The following ARHGAP15 variants were observed in gnomAD, a reference collection of about 807,000 sequenced individuals.
ARHGAP15 encodes Rho GTPase activating protein 15, also known as rho GTPase-activating protein 15.
Under a neutral mutation model 63.7 loss-of-function variants are expected in ARHGAP15, and 51 were observed. The observed-to-expected ratio is 0.80, with a 90% CI of 0.64 to 1.01. The LOEUF (loss-of-function observed/expected upper bound fraction) is 1.01. Ranked by LOEUF, ARHGAP15 falls within the 50% of genes least tolerant of loss-of-function variation. The probability of loss-of-function intolerance (pLI) is 0.00; values close to 1 mark genes in which losing one functional copy is unlikely to be tolerated. For missense variants in ARHGAP15, 560 were observed against 564.6 expected (o/e 0.99, Z 0.08); for synonymous variants, 191 against 193.8 (o/e 0.99, Z 0.12).
intron 8 of ARHGAP15, among the ~76,000 whole-genome samples, chr2:143,452,615 G>A (rs186369042): frequency 3.3e-5 from 5 of 151,390 alleles, no homozygotes; most frequent in Admixed American, 6.6e-5. Flanking sequence ...GTGTGCTGAG[G>A]TGCACCCTTG....
Position 143,703,544 on chromosome 2 carries a change from G to T in ARHGAP15, c.1244+20G>T. On this transcript the variant is annotated intron_variant, in intron 13 of 13. Transcript: ENST00000295095. The stretch of plus-strand genomic sequence containing the variant: ...AACTAAGTAAGTTGTAAGGATTTCT[G>T]GATGTGTCATTTTATAGTCATTTCC... 6.4e-7 allele frequency: 1 copy of T among 1,562,270 alleles called. No individual in the cohort carries two copies. Among genetic ancestry groups the T allele is most frequent in the Non-Finnish European group, 8.7e-7 (1 of 1,146,742 alleles).
In ARHGAP15 at chr2:143,487,385, A is replaced by G; in HGVS notation, c.716A>G (p.His239Arg). 6.2e-7 allele frequency: 1 copy of G among 1,613,436 alleles called. No homozygotes were observed. The highest frequency in any genetic ancestry group is 8.5e-7 in the Non-Finnish European group (1 of 1,179,784). The change falls in exon 9 of 14, where the codon CAT becomes CGT. Residue 239 changes from histidine to arginine, a missense_variant. His to Arg is a conservative substitution (Grantham distance 29). Transcript: ENST00000295095. The stretch of plus-strand genomic sequence containing the variant: ...TTTAAATCTTCAGTGTTCAGACTGC[A>G]TCACAGTGCTTCCGATACAAGCGAC... The part of the protein sequence containing the change: ...EHRKSLMFRL[H>R]HSASDTSDKN...
intron 2 of ARHGAP15, among the ~76,000 whole-genome samples, chr2:143,165,753 T>A (rs932985574): frequency 6.6e-6 from 1 of 152,030 alleles, no homozygotes; most frequent in Non-Finnish European, 1.5e-5. Context: ...TGATAATACA[T>A]CACACACTGT....
intron 12 of ARHGAP15, among the ~76,000 whole-genome samples, chr2:143,626,041 A>G (rs187475053): frequency 6.6e-6 from 1 of 152,258 alleles, no homozygotes; most frequent in Non-Finnish European, 1.5e-5. Context: ...TCTAAGGAGT[A>G]GGATCATCTC....
At chr2:143,201,212 G>T (rs1020970641) in intron 2 of ARHGAP15, among the ~76,000 whole-genome samples, 4 of 151,530 alleles carry the variant, frequency 2.6e-5, no homozygotes, top group Non-Finnish European at 5.9e-5. Flanking sequence ...TGGCTCAAGT[G>T]ATTCTCCCAC....
chr2:143,551,706 T>C (rs1181477314), intron 10 of ARHGAP15, among the ~76,000 whole-genome samples: 1 of 152,160 alleles, frequency 6.6e-6, no homozygotes, highest in African/African-American at 2.4e-5. Flanking sequence ...AGGGAATCAT[T>C]CTTAGGAAAT....
chr2:143,409,192 T>C (rs996128806), intron 6 of ARHGAP15, among the ~76,000 whole-genome samples: 3 of 152,016 alleles, frequency 2.0e-5, no homozygotes, highest in African/African-American at 7.2e-5. Flanking sequence ...TAAAGCATGT[T>C]CTTTGAAGAT....
chr2:143,475,318 C>T (rs1691760859), intron 8 of ARHGAP15, among the ~76,000 whole-genome samples: 2 of 152,332 alleles, frequency 1.3e-5, no homozygotes, highest in East Asian at 1.9e-4. Flanking sequence ...TAGCCGTAGA[C>T]GACATACTGT....
intron 6 of ARHGAP15, among the ~76,000 whole-genome samples, chr2:143,421,796 A>G (rs1248163934): frequency 9.4e-4 from 9 of 9,528 alleles, no homozygotes; most frequent in African/African-American, 3.8e-3. Context: ...ATATATATAT[A>G]TATATGTGTG....
At chr2:143,643,427 ACC>A (rs10540732) in intron 12 of ARHGAP15, among the ~76,000 whole-genome samples, 61,728 of 128,706 alleles carry the variant, frequency 0.48, 13,650 homozygotes, top group Non-Finnish European at 0.52. Context: ...CCCTCCACCC[ACC>A]CCCCCCCACC....
chr2:143,282,655 C>T (rs1209214808), intron 6 of ARHGAP15, among the ~76,000 whole-genome samples: 1 of 152,070 alleles, frequency 6.6e-6, no homozygotes, highest in Non-Finnish European at 1.5e-5. Flanking sequence ...CACAGCCAAA[C>T]CATATCAGGT....
Position 143,278,879 on chromosome 2 carries a change from T to C in ARHGAP15, c.474+28279T>C, listed in dbSNP as rs920938138. On this transcript the variant is annotated intron_variant, in intron 6 of 13. Coordinates refer to ENST00000295095, the MANE Select transcript of ARHGAP15 (RefSeq NM_018460.4). Reference sequence around the variant, plus strand: ...GAGTTTCTTTCTTTCTTTTTTTTTTTTTTTGGCCAGGCTACATGTAAGATG... The same window carrying C: ...GAGTTTCTTTCTTTCTTTTTTTTTTCTTTTGGCCAGGCTACATGTAAGATG... 1.5e-3 allele frequency among the ~76,000 whole-genome samples: 230 copies of C among 151,324 alleles called. 1 individual carries two copies. The highest frequency in any genetic ancestry group is 4.6e-3 in the African/African-American group (192 of 41,350).
At chr2:143,376,009 G>C (rs956194288) in intron 6 of ARHGAP15, among the ~76,000 whole-genome samples, 2 of 152,146 alleles carry the variant, frequency 1.3e-5, no homozygotes, top group African/African-American at 4.8e-5. Context: ...AAATACACAC[G>C]CATGTGGCAT....
At chr2:143,763,443 G>T (rs1686833092) in intron 13 of ARHGAP15, among the ~76,000 whole-genome samples, 1 of 151,960 alleles carries the variant, frequency 6.6e-6, no homozygotes, top group Non-Finnish European at 1.5e-5. Flanking sequence ...TTTAATATGA[G>T]AATGTATTAG....
At chr2:143,694,265 G>A (rs1683744068) in intron 12 of ARHGAP15, among the ~76,000 whole-genome samples, 1 of 152,110 alleles carries the variant, frequency 6.6e-6, no homozygotes, top group Admixed American at 6.6e-5. Context: ...TGGGGGAAAT[G>A]GTGAAATGTG....
chr2:143,218,116 T>C (rs1033455109), intron 4 of ARHGAP15, among the ~76,000 whole-genome samples: 2 of 152,188 alleles, frequency 1.3e-5, no homozygotes, highest in African/African-American at 4.8e-5. Flanking sequence ...TCAATTTGTA[T>C]ACTATTGTGT....
At chr2:143,192,817 T>C (rs1248055636) in intron 2 of ARHGAP15, among the ~76,000 whole-genome samples, 2 of 152,234 alleles carry the variant, frequency 1.3e-5, no homozygotes, top group African/African-American at 4.8e-5. Context: ...TGTGCCTTTT[T>C]AATGCAAGGC....
chr2:143,619,406 T>A (rs979401549), intron 11 of ARHGAP15, among the ~76,000 whole-genome samples: 1 of 152,174 alleles, frequency 6.6e-6, no homozygotes, highest in African/African-American at 2.4e-5. Context: ...AAAATTCACA[T>A]GGTATTTGCA....
chr2:143,502,796 T>G (rs1411843759), intron 9 of ARHGAP15, among the ~76,000 whole-genome samples: 5 of 152,106 alleles, frequency 3.3e-5, no homozygotes, highest in African/African-American at 1.2e-4. Context: ...GCCAGGCTGG[T>G]CTCGAACTCT....
Sources: allele counts gnomAD v4.1 joint callset (sites outside exome capture counted in the v4.1 genomes callset), GRCh38; gene constraint gnomAD v4.1.1; transcripts MANE v1.5; gene names NCBI Gene and HGNC (gene_info 2026-07-23, HGNC 2026-07-21).